Variants in LTBP1 observed in about 807,000 individuals in gnomAD.
LTBP1 encodes latent-transforming growth factor beta-binding protein 1.
Under a neutral mutation model 207.6 loss-of-function variants are expected in LTBP1, and 129 were observed. That is an observed-to-expected ratio of 0.62 (90% CI 0.54 to 0.72). LTBP1 has a LOEUF of 0.72. LTBP1 is among the 30% of genes least tolerant of loss of function. LTBP1 has a pLI of 0.00. For synonymous variants in LTBP1, 963 were observed against 833.7 expected, an observed-to-expected ratio of 1.16 and a Z score of -2.67; for missense variants, 2,281 against 2,217.2, an observed-to-expected ratio of 1.03 and a Z score of -0.58.
At chr2:33,249,323 TCACACACACACACACACACACACA>T (rs61249844) in intron 10 of LTBP1, among the ~76,000 whole-genome samples, 2 of 141,316 alleles carry the variant, frequency 1.4e-5, no homozygotes, top group African/African-American at 2.7e-5. Context: ...GTCTGATTTT[TCACACACACACACACACACACACA>T]CACACACACA....
At chr2:33,250,079 G>A (rs2092638559) in intron 10 of LTBP1, among the ~76,000 whole-genome samples, 1 of 152,142 alleles carries the variant, frequency 6.6e-6, no homozygotes. Flanking sequence ...ATCATTCTGG[G>A]TAGCATATTG....
chr2:33,331,381 T>C (rs928561987), intron 24 of LTBP1, among the ~76,000 whole-genome samples: 1 of 152,088 alleles, frequency 6.6e-6, no homozygotes, highest in Non-Finnish European at 1.5e-5. Flanking sequence ...AGAATGGCTT[T>C]ATCTGCTATC....
intron 2 of LTBP1, among the ~76,000 whole-genome samples, chr2:33,012,070 C>T (rs1687745380): frequency 6.6e-6 from 1 of 152,168 alleles, no homozygotes; most frequent in African/African-American, 2.4e-5. Flanking sequence ...TAATTACTTT[C>T]CCTGTGGGGT....
At chr2:33,373,794 G>T (rs1462352988) in intron 31 of LTBP1, among the ~76,000 whole-genome samples, 5 of 152,072 alleles carry the variant, frequency 3.3e-5, no homozygotes, top group Non-Finnish European at 5.9e-5. Context: ...TCTGGAACAG[G>T]TGTAAAGTTG....
At chr2:33,357,267 C>G (rs914963190) in intron 26 of LTBP1, among the ~76,000 whole-genome samples, 7 of 152,274 alleles carry the variant, frequency 4.6e-5, no homozygotes, top group Middle Eastern at 6.8e-3. Flanking sequence ...GCCTTCAGCT[C>G]AAACCTACTC....
At chr2:33,312,594 G>C (rs1254255540) in intron 23 of LTBP1, among the ~76,000 whole-genome samples, 1 of 152,032 alleles carries the variant, frequency 6.6e-6, no homozygotes, top group East Asian at 1.9e-4. Flanking sequence ...GCATAGTTTA[G>C]AAATGCCTCA....
intron 5 of LTBP1, among the ~76,000 whole-genome samples, chr2:33,165,951 A>G (rs1033497278): frequency 2.6e-5 from 4 of 152,110 alleles, no homozygotes; most frequent in African/African-American, 9.7e-5. Flanking sequence ...AAAGGTGTAA[A>G]ATGCATTCTT....
chr2:32,967,133 A>G (rs754638070), intron 2 of LTBP1, among the ~76,000 whole-genome samples: 1 of 152,058 alleles, frequency 6.6e-6, no homozygotes. Flanking sequence ...TTCCTTTATT[A>G]TTCCTTTAAC....
intron 2 of LTBP1, among the ~76,000 whole-genome samples, chr2:33,007,007 G>A (rs1392108119): frequency 6.6e-6 from 1 of 152,202 alleles, no homozygotes; most frequent in Non-Finnish European, 1.5e-5. Flanking sequence ...AGCAGGGGCT[G>A]TATCCACAGC....
At chr2:33,241,294 C>T (rs1438775058) in intron 9 of LTBP1, among the ~76,000 whole-genome samples, 1 of 152,170 alleles carries the variant, frequency 6.6e-6, no homozygotes, top group Non-Finnish European at 1.5e-5. Flanking sequence ...CACGATTCTT[C>T]GTCTTTGTGG....
chr2:33,333,068 T>A (rs2094515478), intron 24 of LTBP1: 1 of 152,182 alleles, frequency 6.6e-6, no homozygotes, highest in Non-Finnish European at 1.5e-5. Flanking sequence ...TTGGGTGTTA[T>A]TCTAAGTGTA....
intron 9 of LTBP1, among the ~76,000 whole-genome samples, chr2:33,235,225 TC>T (rs1457436352): frequency 1.1e-4 from 17 of 151,994 alleles, no homozygotes; most frequent in Admixed American, 9.8e-4. Flanking sequence ...AACAACTCCA[TC>T]AAAAAGTAGG....
chr2:33,061,583 T>C (rs760577748), intron 3 of LTBP1, among the ~76,000 whole-genome samples: 1 of 152,188 alleles, frequency 6.6e-6, no homozygotes, highest in Non-Finnish European at 1.5e-5. Context: ...TGTAGAAGGC[T>C]TTTTACTTAC....
chr2:33,138,894 T>C (rs1232492494), intron 5 of LTBP1, among the ~76,000 whole-genome samples: 1 of 129,414 alleles, frequency 7.7e-6, no homozygotes, highest in Non-Finnish European at 1.6e-5. Context: ...AGTCTCGCTC[T>C]GTCGCCCAGG....
intron 3 of LTBP1, among the ~76,000 whole-genome samples, chr2:33,042,139 C>A (rs1274522661): frequency 6.6e-6 from 1 of 152,110 alleles, no homozygotes; most frequent in East Asian, 1.9e-4. Flanking sequence ...TGCGTACTTG[C>A]CATCCATAGA....
At chr2:33,124,428 C>A (rs928201115) in intron 4 of LTBP1, among the ~76,000 whole-genome samples, 2 of 151,986 alleles carry the variant, frequency 1.3e-5, no homozygotes, top group Non-Finnish European at 2.9e-5. Context: ...AAAAATTATT[C>A]AAATGCAGAG....
chr2:33,168,827 A>G (rs1297059628), intron 5 of LTBP1, among the ~76,000 whole-genome samples: 2 of 152,182 alleles, frequency 1.3e-5, no homozygotes, highest in Non-Finnish European at 2.9e-5. Flanking sequence ...GGGATGGTTA[A>G]TTTCCAACTC....
intron 2 of LTBP1, among the ~76,000 whole-genome samples, chr2:32,959,673 T>C (rs1238757324): frequency 1.6e-4 from 23 of 139,736 alleles, no homozygotes; most frequent in African/African-American, 5.8e-4. Flanking sequence ...CAGGCTCTAG[T>C]GCAGTGGCGT....
At chr2:33,101,626 C>T (rs2079745921) in intron 3 of LTBP1, among the ~76,000 whole-genome samples, 1 of 152,132 alleles carries the variant, frequency 6.6e-6, no homozygotes, top group African/African-American at 2.4e-5. Context: ...GGCATTTCCC[C>T]AATAGGCTAG....
Sources: gnomAD v4.1 joint callset for allele counts (sites outside exome capture counted in the v4.1 genomes callset) on GRCh38, gnomAD v4.1.1 for gene constraint, MANE v1.5 for transcripts, NCBI Gene and HGNC (gene_info 2026-07-23, HGNC 2026-07-21) for gene names.